The following CACNA1E variants were observed in gnomAD, a reference collection of about 807,000 sequenced individuals.
CACNA1E encodes calcium voltage-gated channel subunit alpha1 E, also known as voltage-dependent R-type calcium channel subunit alpha-1E.
Under a neutral mutation model 259.2 loss-of-function variants are expected in CACNA1E, and 40 were observed. That is an observed-to-expected ratio of 0.15 (90% CI 0.12 to 0.20). The LOEUF is 0.20. Among genes scored for constraint, CACNA1E ranks in the 10% least tolerant of loss-of-function variants. CACNA1E has a pLI of 1.00. For synonymous variants in CACNA1E, 1,104 were observed against 1,138.5 expected, an observed-to-expected ratio of 0.97 and a Z score of 0.61; for missense variants, 1,874 against 3,040.1, an observed-to-expected ratio of 0.62 and a Z score of 9.02.
intron 2 of CACNA1E, among the ~76,000 whole-genome samples, chr1:181,468,440 ATGTCCTGCT>A (rs1296331189): frequency 6.6e-6 from 1 of 152,176 alleles, no homozygotes; most frequent in East Asian, 1.9e-4. Flanking sequence ...TAAGGAGTCC[ATGTCCTGCT>A]TGTGTCCATT....
intron 19 of CACNA1E, among the ~76,000 whole-genome samples, chr1:181,731,568 G>C (rs1202426463): frequency 6.6e-6 from 1 of 152,170 alleles, no homozygotes; most frequent in East Asian, 1.9e-4. Context: ...ATGCGTGTGG[G>C]TACATGCGCG....
At chr1:181,467,344 T>TAC (rs1443152723) in intron 2 of CACNA1E, among the ~76,000 whole-genome samples, 11 of 152,146 alleles carry the variant, frequency 7.2e-5, no homozygotes, top group Non-Finnish European at 1.6e-4. Context: ...GGGATGAGGG[T>TAC]ACACAGGGTT....
intron 2 of CACNA1E, among the ~76,000 whole-genome samples, chr1:181,422,496 T>C (rs1018513018): frequency 2.6e-5 from 4 of 152,154 alleles, no homozygotes; most frequent in Non-Finnish European, 4.4e-5. Context: ...GGTGTGGAGA[T>C]TCATGAGCTG....
intron 7 of CACNA1E, among the ~76,000 whole-genome samples, chr1:181,706,703 A>G (rs1652833866): frequency 6.6e-6 from 1 of 152,222 alleles, no homozygotes; most frequent in South Asian, 2.1e-4. Context: ...TGTAGATTTT[A>G]AATGTTGACT....
At position 181,758,525 on chromosome 1, in the gene CACNA1E, G is replaced by C. The variant is rs59106703; in HGVS notation, c.4495-233G>C. On this transcript the variant is annotated intron_variant, in intron 31 of 47. Transcript: ENST00000367573. The surrounding 1 kb of genome is among the most constrained non-coding windows in gnomAD (Gnocchi z 4.2). The stretch of plus-strand genomic sequence containing the variant: ...CCCTGCCCACCCTCATCTCTAGGAA[G>C]ACTGGCTGTTTTGCTATTAAGTCTG... Among the ~76,000 whole-genome samples, 38,381 of 152,084 alleles carry C rather than the reference G, an allele frequency of 0.25. 4,869 individuals are homozygous for C. Among genetic ancestry groups the C allele is most frequent in the South Asian group, 0.34 (1,638 of 4,822 alleles).
At chr1:181,318,083 C>T (rs1223292413) in exon 1 of CACNA1E, 1 of 151,916 alleles carries the variant, frequency 6.6e-6, no homozygotes, top group Admixed American at 6.6e-5. Context: ...CTAGCACACC[C>T]TCTTCATTCA....
chr1:181,505,021 G>A (rs1364007285), intron 1 of CACNA1E, among the ~76,000 whole-genome samples: 2 of 152,096 alleles, frequency 1.3e-5, no homozygotes, highest in Non-Finnish European at 2.9e-5. Flanking sequence ...AGGCAGGAAG[G>A]AAGATGTCTT....
Position 181,686,283 on chromosome 1 carries a change from T to TTTTTTGTTGTTG in CACNA1E, c.1056-24666_1056-24665insGTTGTTGTTTTT, listed in dbSNP as rs1650542492. Among the ~76,000 whole-genome samples, 2 of 122,764 alleles carry TTTTTTGTTGTTG rather than the reference T, an allele frequency of 1.6e-5. 1 individual carries two copies. Among genetic ancestry groups the TTTTTTGTTGTTG allele is most frequent in the Non-Finnish European group, 3.4e-5 (2 of 59,212 alleles). The allele number at this position is 122,764 out of a possible 152,430, so 80.5% of individuals were successfully genotyped here. On this transcript the variant is annotated intron_variant, in intron 7 of 47. Transcript: ENST00000367573. ...AGGCCAGTAAGAACCAAGTTTTTTT[T>TTTTTTGTTGTTG]TTTTTTTTTTTTTTTTTTTTGAGAT...
intron 6 of CACNA1E, among the ~76,000 whole-genome samples, chr1:181,603,872 C>T (rs953074986): frequency 1.1e-4 from 16 of 152,156 alleles, no homozygotes; most frequent in African/African-American, 2.9e-4. Flanking sequence ...ACTGGCTCAC[C>T]GTCAGGTGTT....
intron 1 of CACNA1E, among the ~76,000 whole-genome samples, chr1:181,498,804 T>C (rs1665000796): frequency 6.6e-6 from 1 of 152,200 alleles, no homozygotes; most frequent in Non-Finnish European, 1.5e-5. Context: ...TTCTTTCCTC[T>C]GTACCCTTTC....
intron 23 of CACNA1E, 94 bp from the exon 24 acceptor site, chr1:181,738,273 C>T (rs1175844525): frequency 6.4e-6 from 6 of 936,464 alleles, no homozygotes; most frequent in African/African-American, 1.6e-5. Context: ...CCAGGGTGGG[C>T]GTGCACGAGT....
chr1:181,723,327 C>T (rs1339988126), intron 16 of CACNA1E, among the ~76,000 whole-genome samples: 5 of 152,172 alleles, frequency 3.3e-5, no homozygotes, highest in Non-Finnish European at 7.3e-5. Context: ...CTACACATCT[C>T]GTTCAGTGAT....
chr1:181,732,464 G>T lies in CACNA1E; in HGVS notation c.2378G>T (p.Ser793Ile). Reference protein sequence around the residue: ...SQLRKHMQMSSQEALNREEAP... With the variant: ...SQLRKHMQMSIQEALNREEAP... ...CTGAGGAAGCACATGCAGATGTCCAGCCAGGAGGCCCTCAACAGAGAGGAG... is the reference window on the plus strand; with the variant it reads ...CTGAGGAAGCACATGCAGATGTCCATCCAGGAGGCCCTCAACAGAGAGGAG... Residue 793 changes from serine to isoleucine, a missense_variant, in exon 20 of 48, where the codon AGC (serine) becomes ATC (isoleucine). Coordinates refer to ENST00000367573, the MANE Select transcript of CACNA1E (RefSeq NM_001205293.3). This position sits in a 1 kb window ranked among gnomAD's most constrained non-coding sequence, Gnocchi z 5.5. 6.4e-7 allele frequency: 1 copy of T among 1,551,268 alleles called. No individual in the cohort carries two copies.
intron 6 of CACNA1E, among the ~76,000 whole-genome samples, chr1:181,643,616 C>T (rs1049302725): frequency 2.0e-5 from 3 of 152,274 alleles, no homozygotes; most frequent in South Asian, 2.1e-4. Context: ...ACCCTGGTCT[C>T]GGTAGCATCG....
At chr1:181,619,827 G>A (rs115174842) in intron 6 of CACNA1E, among the ~76,000 whole-genome samples, 2,922 of 152,172 alleles carry the variant, frequency 0.019, 91 homozygotes, top group African/African-American at 0.062. Context: ...CAGCTGGTAG[G>A]ATGGCATTGT....
At position 181,797,370 on chromosome 1, in the gene CACNA1E, T is replaced by C. The variant is rs77396352; in HGVS notation, c.6399+512T>C. Reference sequence around the variant, plus strand: ...TATCAGATCTGTATGAAAACATTCATAGACTCTGTTTTACTCCTTACTACA... The same window carrying C: ...TATCAGATCTGTATGAAAACATTCACAGACTCTGTTTTACTCCTTACTACA... On this transcript the variant is annotated intron_variant, in intron 47 of 47. Coordinates refer to ENST00000367573, the MANE Select transcript of CACNA1E (RefSeq NM_001205293.3). Among the ~76,000 whole-genome samples the C allele has an allele frequency of 8.1e-3, 1,236 of 152,290 alleles. 17 individuals carry two copies. Among genetic ancestry groups the C allele is most frequent in the African/African-American group, 0.028 (1,159 of 41,554 alleles).
At chr1:181,328,268 C>T (rs1650956681) in intron 1 of CACNA1E, among the ~76,000 whole-genome samples, 3 of 152,118 alleles carry the variant, frequency 2.0e-5, no homozygotes, top group Admixed American at 6.5e-5. Flanking sequence ...AAGGAGCTCT[C>T]TGGGGCCTCT....
chr1:181,331,067 C>T (rs1454364140), intron 1 of CACNA1E, among the ~76,000 whole-genome samples: 1 of 152,076 alleles, frequency 6.6e-6, no homozygotes, highest in Non-Finnish European at 1.5e-5. Flanking sequence ...CTCAGAGCCT[C>T]AAGCCCAATA....
chr1:181,538,024 G>A (rs142102716), intron 3 of CACNA1E, among the ~76,000 whole-genome samples: 2 of 152,310 alleles, frequency 1.3e-5, no homozygotes, highest in African/African-American at 4.8e-5. Context: ...ATTCCATGCA[G>A]TTTGCAGAAG....
Sources: allele counts gnomAD v4.1 joint callset (sites outside exome capture counted in the v4.1 genomes callset), GRCh38; gene constraint gnomAD v4.1.1; non-coding constraint Gnocchi (gnomAD v3.1); transcripts MANE v1.5; gene names NCBI Gene and HGNC (gene_info 2026-07-23, HGNC 2026-07-21).